UPB1: variants seen among roughly 807,000 people sequenced by gnomAD.
The protein encoded by UPB1 is beta-ureidopropionase 1.
In UPB1, 40 loss-of-function variants were observed where a neutral mutation model predicts 49.1. The observed-to-expected ratio is 0.81, with a 90% CI of 0.63 to 1.06. The LOEUF is 1.06. UPB1 is among the 50% of genes least tolerant of loss of function. The pLI is 0.00. For synonymous variants in UPB1, 207 were observed against 198.2 expected (o/e 1.04, Z -0.38); for missense variants, 499 against 505.9 (o/e 0.99, Z 0.13).
intron 1 of UPB1, among the ~76,000 whole-genome samples, chr22:24,498,839 A>G (rs1410693052): frequency 6.6e-6 from 1 of 152,216 alleles, no homozygotes; most frequent in East Asian, 1.9e-4. Context: ...CCAGGCCCAC[A>G]GGCCTTCGAG....
At chr22:24,507,723 G>C (rs1209055133) in intron 3 of UPB1, among the ~76,000 whole-genome samples, 1 of 152,090 alleles carries the variant, frequency 6.6e-6, no homozygotes, top group Non-Finnish European at 1.5e-5. Context: ...TTAGAAACTA[G>C]GTCCACCCAA....
rs377243666 is a variant in UPB1, at chr22:24,517,235, G to C, written c.791+1865G>C. On this transcript the variant is annotated intron_variant, in intron 6 of 9. Coordinates refer to ENST00000326010, the MANE Select transcript of UPB1 (RefSeq NM_016327.3). Reference sequence around the variant, plus strand: ...GGAGGTCTGGTCCATGTCCAGGAGGGGTACTGTTGGGTAGAAGGGGAATAT... The same window carrying C: ...GGAGGTCTGGTCCATGTCCAGGAGGCGTACTGTTGGGTAGAAGGGGAATAT... 1.3e-4 allele frequency among the ~76,000 whole-genome samples: 20 copies of C among 152,120 alleles called. No homozygotes were observed. The East Asian group carries it at 2.3e-3, about 18-fold the overall frequency.
At chr22:24,506,753 G>A (rs1474442301) in intron 3 of UPB1, among the ~76,000 whole-genome samples, 1 of 152,132 alleles carries the variant, frequency 6.6e-6, no homozygotes, top group East Asian at 1.9e-4. Flanking sequence ...TTCATCTTTA[G>A]TGGCAAGAAT....
chr22:24,506,168 G>A (rs780426386), intron 3 of UPB1, among the ~76,000 whole-genome samples: 1 of 151,174 alleles, frequency 6.6e-6, no homozygotes, highest in Non-Finnish European at 1.5e-5. Flanking sequence ...TTACAGGCCT[G>A]TACCACCACA....
chr22:24,498,390 G>T (rs1389711950), intron 1 of UPB1, among the ~76,000 whole-genome samples: 4 of 152,184 alleles, frequency 2.6e-5, no homozygotes, highest in Non-Finnish European at 5.9e-5. Flanking sequence ...GATTGGTTAG[G>T]TTCTCCAAGA....
At chr22:24,517,926 A>G (rs1601509624) in intron 6 of UPB1, among the ~76,000 whole-genome samples, 1 of 152,220 alleles carries the variant, frequency 6.6e-6, no homozygotes, top group Non-Finnish European at 1.5e-5. Flanking sequence ...GCCCTTTGGG[A>G]GGCCAAGGCT....
In UPB1 at chr22:24,506,740, T is replaced by A. The variant is rs1003282857; in HGVS notation, c.365-4009T>A. Among the ~76,000 whole-genome samples the A allele has an allele frequency of 1.2e-4, 19 of 152,130 alleles. 2 individuals carry two copies. The highest frequency in any genetic ancestry group is 1.2e-3 in the Admixed American group (18 of 15,298). The stretch of plus-strand genomic sequence containing the variant: ...TTTTTCCCAACTCTCCACCCACCCC[T>A]GTTTCATCTTTAGTGGCAAGAATAA... On this transcript the variant is annotated intron_variant, in intron 3 of 9. Coordinates refer to ENST00000326010, the MANE Select transcript of UPB1 (RefSeq NM_016327.3).
At chr22:24,496,396 C>CACACACACAT (rs1568976732) in intron 1 of UPB1, among the ~76,000 whole-genome samples, 1 of 131,388 alleles carries the variant, frequency 7.6e-6, no homozygotes, top group Middle Eastern at 4.1e-3. Context: ...CACACACACA[C>CACACACACAT]ACACACATAC....
At chr22:24,511,709 G>A (rs898635612) in intron 4 of UPB1, among the ~76,000 whole-genome samples, 4 of 150,048 alleles carry the variant, frequency 2.7e-5, no homozygotes, top group Non-Finnish European at 5.9e-5. Flanking sequence ...TGCCTCCTGG[G>A]TTCACGCCAT....
chr22:24,508,481 C>T (rs1326914591), intron 3 of UPB1, among the ~76,000 whole-genome samples: 2 of 151,930 alleles, frequency 1.3e-5, no homozygotes, highest in Admixed American at 6.6e-5. Flanking sequence ...ATCGCTTGAA[C>T]CCAGGAGGTG....
chr22:24,508,881 CAAAAG>C (rs370180510), intron 3 of UPB1, among the ~76,000 whole-genome samples: 3,012 of 152,000 alleles, frequency 0.02, 104 homozygotes, highest in African/African-American at 0.069. Context: ...GACTCCATCT[CAAAAG>C]AAAAGAAAAA....
chr22:24,525,411 C>T (rs2044466464), intron 9 of UPB1, among the ~76,000 whole-genome samples: 1 of 152,210 alleles, frequency 6.6e-6, no homozygotes, highest in Non-Finnish European at 1.5e-5. Flanking sequence ...CTGTAGGATG[C>T]TCTTCTGGGG....
intron 7 of UPB1, among the ~76,000 whole-genome samples, chr22:24,521,250 G>A (rs1417024618): frequency 6.6e-6 from 1 of 150,806 alleles, no homozygotes; most frequent in African/African-American, 2.4e-5. Flanking sequence ...GGGAGACCGA[G>A]TCGGGTAGAT....
intron 5 of UPB1, among the ~76,000 whole-genome samples, chr22:24,514,501 G>C (rs1361008668): frequency 1.3e-5 from 2 of 152,142 alleles, no homozygotes; most frequent in African/African-American, 2.4e-5. Flanking sequence ...GAGGTGGAAG[G>C]CTCCTGGAGC....
intron 6 of UPB1, among the ~76,000 whole-genome samples, chr22:24,517,974 G>A (rs2044325834): frequency 6.6e-6 from 1 of 152,188 alleles, no homozygotes; most frequent in Non-Finnish European, 1.5e-5. Context: ...AGACCATCCT[G>A]GCCAACATGG....
chr22:24,522,091 C>A, intron 8 of UPB1, 63 bp downstream of exon 8: 1 of 1,580,584 alleles, frequency 6.3e-7, no homozygotes, highest in Non-Finnish European at 8.7e-7. Flanking sequence ...CCTTCTCTGT[C>A]TGCTTCCTCC....
intron 3 of UPB1, among the ~76,000 whole-genome samples, chr22:24,509,631 C>T (rs539728853): frequency 1.9e-4 from 29 of 152,240 alleles, no homozygotes; most frequent in African/African-American, 6.7e-4. Context: ...TGATACTTTC[C>T]CCAAGGAGTC....
chr22:24,499,228 T>C (rs1361902142), intron 1 of UPB1, among the ~76,000 whole-genome samples: 2 of 152,184 alleles, frequency 1.3e-5, no homozygotes, highest in Non-Finnish European at 2.9e-5. Context: ...AAGAAAGTGA[T>C]TTAAAGTAGG....
intron 6 of UPB1, among the ~76,000 whole-genome samples, chr22:24,515,994 A>G (rs2044287579): frequency 6.6e-6 from 1 of 152,028 alleles, no homozygotes; most frequent in Admixed American, 6.6e-5. Context: ...AACAAAACAA[A>G]ACGAAAAAAC....
Sources: gnomAD v4.1 joint callset for allele counts (sites outside exome capture counted in the v4.1 genomes callset) on GRCh38, gnomAD v4.1.1 for gene constraint, MANE v1.5 for transcripts, NCBI Gene and HGNC (gene_info 2026-07-23, HGNC 2026-07-21) for gene names.